LRRC66: variants seen among roughly 807,000 people sequenced by gnomAD.
LRRC66 encodes the protein leucine rich repeat containing 66, also known as leucine-rich repeat-containing protein 66.
LRRC66 carries 29 observed loss-of-function variants against 24.6 expected under a neutral mutation model. That is an observed-to-expected ratio of 1.18 (90% CI 0.88 to 1.61). The LOEUF (loss-of-function observed/expected upper bound fraction) is 1.61, where lower values mean the gene tolerates loss of function less well. Ranked by LOEUF, LRRC66 falls within the 40% of genes most tolerant of loss-of-function variation. LRRC66 has a pLI of 0.00. For synonymous variants in LRRC66, 411 were observed against 397.6 expected (o/e 1.03, Z -0.40); for missense variants, 1,124 against 1,058.0 (o/e 1.06, Z -0.87).
rs1041743449 is a variant in LRRC66, at chr4:52,006,862, TAAC to T, written c.497-3473_497-3471del. On this transcript the variant is annotated intron_variant, in intron 2 of 4. Coordinates refer to ENST00000682860, the MANE Select transcript of LRRC66 (RefSeq NM_001024611.3). ...TTAATCTTCAAAAAGCCTGAGGAGT[TAAC>T]AACATTTTACAAATGAAAAAAAACT... Among the ~76,000 whole-genome samples, 11 of 152,118 alleles carry T rather than the reference TAAC, an allele frequency of 7.2e-5. No individual in the cohort carries two copies. The South Asian group carries it at 1.0e-3, about 14-fold the overall frequency.
chr4:51,997,666 T>G, intron 4 of LRRC66, 82 bp downstream of exon 4: 1 of 1,298,694 alleles, frequency 7.7e-7, no homozygotes, highest in Admixed American at 1.8e-5. Context: ...ATGGGGACTG[T>G]CATTATTTCA....
chr4:51,996,763 G>T (rs1578111455), intron 4 of LRRC66, among the ~76,000 whole-genome samples: 1 of 152,344 alleles, frequency 6.6e-6, no homozygotes, highest in East Asian at 1.9e-4. Context: ...CCTGGAGGTT[G>T]TATGTGCCTT....
At chr4:52,014,560 C>A (rs2110202983) in intron 2 of LRRC66, among the ~76,000 whole-genome samples, 1 of 152,218 alleles carries the variant, frequency 6.6e-6, no homozygotes, top group East Asian at 1.9e-4. Context: ...AATTGAAGAA[C>A]AAAGAAATAG....
In LRRC66 at chr4:52,018,450, C is replaced by T. The variant is rs375668385; in HGVS notation, c.-5-832G>A. Reference sequence around the variant, plus strand: ...AAAAGCCACTGTGTGTACAAATAATCACATTATTGAGTATATGAGTTTCCA... The same window carrying T: ...AAAAGCCACTGTGTGTACAAATAATTACATTATTGAGTATATGAGTTTCCA... On this transcript the variant is annotated intron_variant, in intron 1 of 4. Transcript: ENST00000682860. The T allele has an allele frequency of 2.7e-5, 27 of 985,304 alleles. No individual in the cohort carries two copies. In the East Asian group the frequency reaches 1.5e-3, roughly 54 times the overall value. The allele number at this position is 985,304 out of a possible 1,614,324, so 61.0% of individuals were successfully genotyped here.
At chr4:52,018,938 G>A (rs1038209917) in intron 1 of LRRC66, among the ~76,000 whole-genome samples, 4 of 152,096 alleles carry the variant, frequency 2.6e-5, no homozygotes, top group African/African-American at 7.2e-5. Context: ...GTGCAAGAGC[G>A]CCATGTCAGC....
At chr4:52,002,491 AG>A (rs1259545151) in intron 3 of LRRC66, among the ~76,000 whole-genome samples, 2 of 152,082 alleles carry the variant, frequency 1.3e-5, no homozygotes, top group African/African-American at 2.4e-5. Context: ...TGTGGAGAAA[AG>A]TGCTTGGAGG....
chr4:52,012,266 AT>A (rs1736722440), intron 2 of LRRC66, among the ~76,000 whole-genome samples: 2 of 152,116 alleles, frequency 1.3e-5, no homozygotes, highest in African/African-American at 4.8e-5. Flanking sequence ...GGTGATTTTG[AT>A]TTTGAATGCA....
At chr4:52,019,170 C>T (rs972298157) in intron 1 of LRRC66, among the ~76,000 whole-genome samples, 7 of 152,204 alleles carry the variant, frequency 4.6e-5, no homozygotes, top group South Asian at 2.1e-4. Context: ...CCACCACACC[C>T]GGCCAGCCAC....
At chr4:52,008,962 T>A (rs552862442) in intron 2 of LRRC66, among the ~76,000 whole-genome samples, 1 of 152,130 alleles carries the variant, frequency 6.6e-6, no homozygotes, top group Non-Finnish European at 1.5e-5. Context: ...GGACAATACC[T>A]GCACAAAGGA....
At chr4:51,997,430 C>T (rs1026984236) in intron 4 of LRRC66, among the ~76,000 whole-genome samples, 4 of 152,282 alleles carry the variant, frequency 2.6e-5, no homozygotes, top group African/African-American at 9.6e-5. Flanking sequence ...AACAGCTTGT[C>T]TATGGTTCTT....
intron 3 of LRRC66, among the ~76,000 whole-genome samples, chr4:52,001,865 C>T (rs1448142459): frequency 1.3e-5 from 2 of 152,304 alleles, no homozygotes; most frequent in African/African-American, 2.4e-5. Context: ...ACTGGGAAAA[C>T]CTCAGTTTTC....
intron 4 of LRRC66, 60 bp from the exon 5 acceptor site, chr4:51,996,225 T>C (rs753855044): frequency 6.2e-5 from 90 of 1,443,232 alleles, no homozygotes; most frequent in Non-Finnish European, 8.2e-5. Context: ...TTTCAGGGGT[T>C]TTTCTCTTTT....
intron 3 of LRRC66, among the ~76,000 whole-genome samples, chr4:51,999,942 G>A (rs567398631): frequency 3.9e-5 from 6 of 152,268 alleles, no homozygotes; most frequent in African/African-American, 1.4e-4. Context: ...ATCAAAGCAT[G>A]GTGATAAATG....
In LRRC66 at chr4:51,995,846, G is replaced by T. The variant is rs1736298183; in HGVS notation, c.1176C>A (p.Ser392Arg). 6.8e-6 allele frequency: 11 copies of T among 1,614,042 alleles called. No individual in the cohort carries two copies. Among genetic ancestry groups the T allele is most frequent in the Non-Finnish European group, 9.3e-6 (11 of 1,180,044 alleles). Residue 392 changes from serine to arginine, a missense_variant, in exon 5 of 5, where the codon AGC becomes AGA. Physicochemically the swap from Ser to Arg is moderately radical, Grantham distance 110 (BLOSUM62 -1). Transcript: ENST00000682860. ...SVFITFLVAF[S>R]LGAFTRPYVD... ...CATAAGGCCTTGTGAAAGCCCCCAGGCTGAAGGCGACAAGGAATGTGATGA... is the reference window on the plus strand; with the variant it reads ...CATAAGGCCTTGTGAAAGCCCCCAGTCTGAAGGCGACAAGGAATGTGATGA...
intron 3 of LRRC66, among the ~76,000 whole-genome samples, chr4:51,999,020 C>G (rs2110193388): frequency 6.6e-6 from 1 of 152,290 alleles, no homozygotes; most frequent in Non-Finnish European, 1.5e-5. Flanking sequence ...GGCTTCACAG[C>G]TGTGTGCCTT....
intron 3 of LRRC66, among the ~76,000 whole-genome samples, chr4:51,999,761 A>G (rs1374730124): frequency 1.3e-5 from 2 of 152,170 alleles, no homozygotes; most frequent in African/African-American, 4.8e-5. Flanking sequence ...GAATGGTCCA[A>G]TTTGGCTAAA....
chr4:52,017,248 G>GTGGA lies in LRRC66; in HGVS notation c.362_365dup (p.Ser123ProfsTer11). On this transcript the variant is annotated frameshift_variant, in exon 2 of 5. Transcript: ENST00000682860. LOFTEE classifies it high-confidence loss of function. ...GACTGAGTAGATCCAATGAGAGGGA[G>GTGGA]TGGATGGCATTGTTGCTGAGGTTTA... 6.2e-7 allele frequency: 1 copy of GTGGA among 1,614,182 alleles called. No homozygotes were observed. Among genetic ancestry groups the GTGGA allele is most frequent in the Non-Finnish European group, 8.5e-7 (1 of 1,180,012 alleles).
At chr4:52,016,719 ATAT>A (rs1373496189) in intron 2 of LRRC66, among the ~76,000 whole-genome samples, 2 of 152,168 alleles carry the variant, frequency 1.3e-5, no homozygotes, top group African/African-American at 4.8e-5. Context: ...AAGAAGAAAA[ATAT>A]TATAATATGG....
intron 4 of LRRC66, 91 bp downstream of exon 4, chr4:51,997,657 T>G (rs1736353768): frequency 8.3e-7 from 1 of 1,210,496 alleles, no homozygotes; most frequent in African/African-American, 1.5e-5. Context: ...TTTGCTTTCA[T>G]GGGGACTGTC....
Sources: allele counts gnomAD v4.1 joint callset (sites outside exome capture counted in the v4.1 genomes callset), GRCh38; gene constraint gnomAD v4.1.1; transcripts MANE v1.5; gene names NCBI Gene and HGNC (gene_info 2026-07-23, HGNC 2026-07-21).